Variants in PIAS1 observed in about 807,000 individuals in gnomAD.
The protein encoded by PIAS1 is protein inhibitor of activated STAT 1, also known as E3 SUMO-protein ligase PIAS1.
A neutral mutation model predicts 71.3 loss-of-function variants in PIAS1; 6 were observed. The ratio of observed to expected loss-of-function variants is 0.08; its 90% CI spans 0.05 to 0.17. The LOEUF (loss-of-function observed/expected upper bound fraction) is 0.17. Ranked by LOEUF, PIAS1 falls within the 10% of genes least tolerant of loss-of-function variation. The pLI, the probability that PIAS1 is intolerant of heterozygous loss-of-function variation, is 1.00. For missense variants in PIAS1, 555 were observed against 793.6 expected (o/e 0.70, Z 3.61); for synonymous variants, 303 against 292.9 (o/e 1.03, Z -0.35).
chr15:68,109,578 C>G (rs2092503996), intron 2 of PIAS1, among the ~76,000 whole-genome samples: 2 of 152,004 alleles, frequency 1.3e-5, no homozygotes, highest in African/African-American at 4.8e-5. Context: ...TATATGGGTC[C>G]CAGAAGTTCC....
At position 68,176,601 on chromosome 15, in the gene PIAS1, T is replaced by C; in HGVS notation, c.1428T>C (p.Ser476=). ...SSSDEEEEEP[S]AKRTCPSLSP... ...CTGATGAAGAGGAAGAAGAGCCATC[T>C]GCCAAGAGGACCTGTCCTTCCCTAT... Residue 476 remains serine (S), a synonymous_variant, in exon 11 of 14, where the codon TCT becomes TCC. Coordinates refer to ENST00000249636, the MANE Select transcript of PIAS1 (RefSeq NM_016166.3). The C allele has an allele frequency of 6.2e-6, 10 of 1,613,000 alleles. No homozygotes were observed. Among genetic ancestry groups the C allele is most frequent in the Non-Finnish European group, 8.5e-6 (10 of 1,179,420 alleles).
In PIAS1 at chr15:68,189,742, TATAGTC is replaced by T. The variant is rs1229519174; in HGVS notation, c.*1911_*1916del. On this transcript the variant is annotated 3_prime_UTR_variant, in exon 14 of 14. Coordinates refer to ENST00000249636, the MANE Select transcript of PIAS1 (RefSeq NM_016166.3). ...GTATTCCACACACAAATGGCTGAGT[TATAGTC>T]ATAAAACAATTTGCAATAAAAAAAA... 2.6e-5 allele frequency: 4 copies of T among 152,094 alleles called. No homozygotes were observed. Among genetic ancestry groups the T allele is most frequent in the African/African-American group, 7.2e-5 (3 of 41,410 alleles). 9.4% of individuals were successfully genotyped at this position (152,094 alleles called of 1,614,324 possible).
intron 12 of PIAS1, 77 bp downstream of exon 12, chr15:68,181,431 T>C (rs749694315): frequency 4.9e-6 from 7 of 1,422,954 alleles, no homozygotes; most frequent in Non-Finnish European, 6.8e-6. Context: ...TCTAGGTGAA[T>C]CTAAGGAAGA....
At chr15:68,125,215 T>C (rs1042631421) in intron 2 of PIAS1, among the ~76,000 whole-genome samples, 1 of 152,318 alleles carries the variant, frequency 6.6e-6, no homozygotes. Flanking sequence ...TTTGCCACTG[T>C]GTAAATCTCC....
intron 1 of PIAS1, among the ~76,000 whole-genome samples, chr15:68,077,971 T>G (rs1019770981): frequency 1.3e-5 from 2 of 152,232 alleles, no homozygotes; most frequent in African/African-American, 4.8e-5. Context: ...TGTTTCTTCT[T>G]TTAGGCTTTT....
At chr15:68,090,072 G>A (rs866779256) in intron 2 of PIAS1, among the ~76,000 whole-genome samples, 12 of 151,414 alleles carry the variant, frequency 7.9e-5, no homozygotes, top group African/African-American at 2.7e-4. Flanking sequence ...TAGAGTCAGG[G>A]TCTCATCATG....
intron 2 of PIAS1, among the ~76,000 whole-genome samples, chr15:68,119,949 T>C (rs1253124610): frequency 1.3e-5 from 2 of 152,188 alleles, no homozygotes; most frequent in East Asian, 3.8e-4. Context: ...CTCTGACAGC[T>C]TTGGTTTTTG....
intron 7 of PIAS1, among the ~76,000 whole-genome samples, chr15:68,157,387 C>T (rs979564747): frequency 6.6e-6 from 1 of 152,142 alleles, no homozygotes; most frequent in African/African-American, 2.4e-5. Context: ...GGATAGAGCT[C>T]TGTGTTCCTC....
At chr15:68,092,570 AC>A (rs1397953111) in intron 2 of PIAS1, among the ~76,000 whole-genome samples, 1 of 152,202 alleles carries the variant, frequency 6.6e-6, no homozygotes, top group Non-Finnish European at 1.5e-5. Context: ...TGTGTCCCTC[AC>A]AAATTCAAAT....
intron 1 of PIAS1, among the ~76,000 whole-genome samples, chr15:68,059,385 A>G (rs540466043): frequency 6.6e-6 from 1 of 152,202 alleles, no homozygotes; most frequent in Admixed American, 6.5e-5. Flanking sequence ...TTAACTAAAT[A>G]TATTGATATG....
chr15:68,164,816 C>T lies in PIAS1; in HGVS notation c.1008+12C>T, dbSNP rs1451062977. The T allele has an allele frequency of 1.4e-6, 2 of 1,428,382 alleles. No individual in the cohort carries two copies. Among genetic ancestry groups the T allele is most frequent in the Middle Eastern group, 1.8e-4 (1 of 5,644 alleles). 88.5% of individuals were successfully genotyped at this position (1,428,382 alleles called of 1,614,324 possible). A position where few individuals can be genotyped will look rare whatever the true frequency, so the allele number is the denominator to read the frequency against. Reference sequence around the variant, plus strand: ...CTCTACTATGTCCAGTAAGTGTTAACTATTACTTGCTTTCCAGAAAGTTTA... The same window carrying T: ...CTCTACTATGTCCAGTAAGTGTTAATTATTACTTGCTTTCCAGAAAGTTTA... On this transcript the variant is annotated intron_variant, in intron 8 of 13. Transcript: ENST00000249636.
intron 6 of PIAS1, among the ~76,000 whole-genome samples, chr15:68,151,707 C>CACACACACACACACACACACACACACAA (rs140053964): frequency 3.0e-4 from 40 of 134,508 alleles, no homozygotes; most frequent in African/African-American, 1.1e-3. Flanking sequence ...CACACACACA[C>CACACACACACACACACACACACACACAA]AAATTAGCTA....
intron 1 of PIAS1, among the ~76,000 whole-genome samples, chr15:68,063,981 C>T (rs1167623271): frequency 6.6e-6 from 1 of 151,746 alleles, no homozygotes; most frequent in Admixed American, 6.6e-5. Context: ...TATTGTATCT[C>T]AATCCTTGAG....
rs760862984 is a variant in PIAS1, at chr15:68,189,684, CAAGT to C, written c.*1850_*1853del. On this transcript the variant is annotated 3_prime_UTR_variant, in exon 14 of 14. Transcript: ENST00000249636. ...TTTATAAACAAGTGTGTTTGAGTAA[CAAGT>C]GAGTTTCATAGTCTTCCCCTACGCA... 7 of 151,866 alleles carry C rather than the reference CAAGT, an allele frequency of 4.6e-5. No individual in the cohort carries two copies. The highest frequency in any genetic ancestry group is 6.6e-5 in the Admixed American group (1 of 15,258). The allele number at this position is 151,866 out of a possible 1,614,324, so 9.4% of individuals were successfully genotyped here.
intron 7 of PIAS1, among the ~76,000 whole-genome samples, chr15:68,162,353 C>G (rs1332181663): frequency 2.0e-5 from 3 of 152,158 alleles, no homozygotes; most frequent in Non-Finnish European, 1.5e-5. Context: ...AAGTCAGTTA[C>G]TATGCCCATT....
chr15:68,101,101 T>C lies in PIAS1; in HGVS notation c.469+14351T>C, dbSNP rs149261850. 7.2e-5 allele frequency among the ~76,000 whole-genome samples: 11 copies of C among 152,146 alleles called. No homozygotes were observed. The East Asian group carries it at 2.1e-3, about 29-fold the overall frequency. Reference sequence around the variant, plus strand: ...TTTCTGTAGAGACAGGGTTTCACCATGTTGGCCAGGCTGGTCTCAAACTCC... The same window carrying C: ...TTTCTGTAGAGACAGGGTTTCACCACGTTGGCCAGGCTGGTCTCAAACTCC... On this transcript the variant is annotated intron_variant, in intron 2 of 13. Coordinates refer to ENST00000249636, the MANE Select transcript of PIAS1 (RefSeq NM_016166.3).
chr15:68,101,672 TTTAA>T (rs563730919), intron 2 of PIAS1, among the ~76,000 whole-genome samples: 233 of 152,158 alleles, frequency 1.5e-3, no homozygotes, highest in Middle Eastern at 3.4e-3. Context: ...GAACAAAATG[TTTAA>T]TTTTGAGGAA....
At chr15:68,055,492 G>A (rs1273991100) in intron 1 of PIAS1, among the ~76,000 whole-genome samples, 1 of 152,036 alleles carries the variant, frequency 6.6e-6, no homozygotes, top group East Asian at 1.9e-4. Flanking sequence ...CAAGCAGTTG[G>A]GGGAGGGGGT....
rs1456589281 is a variant in PIAS1, at chr15:68,054,322, G to A, written c.-5G>A. 3 of 1,570,380 alleles carry A rather than the reference G, an allele frequency of 1.9e-6. No individual in the cohort carries two copies. The highest frequency in any genetic ancestry group is 2.7e-5 in the African/African-American group (2 of 73,508). ...GTTCACTGCGCTTGCGCTGACAGAC[G>A]CAAGATGGCGGACAGTGCGGAACTA... On this transcript the variant is annotated 5_prime_UTR_variant, in exon 1 of 14. Coordinates refer to ENST00000249636, the MANE Select transcript of PIAS1 (RefSeq NM_016166.3). This position sits in a 1 kb window ranked among gnomAD's most constrained non-coding sequence, Gnocchi z 4.6.
Sources: allele counts gnomAD v4.1 joint callset (sites outside exome capture counted in the v4.1 genomes callset), GRCh38; gene constraint gnomAD v4.1.1; non-coding constraint Gnocchi (gnomAD v3.1); transcripts MANE v1.5; gene names NCBI Gene and HGNC (gene_info 2026-07-23, HGNC 2026-07-21).